Variants in ANKRD55 observed in about 807,000 individuals in gnomAD.
ANKRD55 encodes ankyrin repeat domain 55, also known as ankyrin repeat domain-containing protein 55.
ANKRD55 carries 41 observed loss-of-function variants against 60.6 expected under a neutral mutation model. The ratio of observed to expected loss-of-function variants is 0.68; its 90% CI spans 0.53 to 0.88. The LOEUF (loss-of-function observed/expected upper bound fraction) is 0.88. ANKRD55 is among the 40% of genes least tolerant of loss of function. The pLI is 0.00. For missense variants in ANKRD55, 732 were observed against 767.6 expected, an observed-to-expected ratio of 0.95 and a Z score of 0.55; for synonymous variants, 264 against 290.3, an observed-to-expected ratio of 0.91 and a Z score of 0.92.
chr5:56,112,152 C>A (rs146792500), intron 9 of ANKRD55, among the ~76,000 whole-genome samples: 1 of 152,024 alleles, frequency 6.6e-6, no homozygotes, highest in Non-Finnish European at 1.5e-5. Flanking sequence ...TCAGTAGGCA[C>A]GCAAGTTGAA....
intron 2 of ANKRD55, among the ~76,000 whole-genome samples, chr5:56,196,613 T>C (rs565567464): frequency 3.6e-4 from 55 of 152,252 alleles, no homozygotes; most frequent in Non-Finnish European, 7.1e-4. Flanking sequence ...TCATTTGAAC[T>C]GTATCAGGCT....
chr5:56,195,187 A>G (rs2111849064), intron 2 of ANKRD55, among the ~76,000 whole-genome samples: 1 of 152,366 alleles, frequency 6.6e-6, no homozygotes, highest in Non-Finnish European at 1.5e-5. Context: ...ACAACGCAGA[A>G]TACCTATTCA....
chr5:56,121,212 G>A (rs147817922), intron 8 of ANKRD55, among the ~76,000 whole-genome samples: 47 of 152,286 alleles, frequency 3.1e-4, no homozygotes, highest in African/African-American at 8.7e-4. Context: ...AATAAGGCAA[G>A]TGGGGTGGGG....
At chr5:56,207,140 T>C (rs1168088297) in intron 2 of ANKRD55, among the ~76,000 whole-genome samples, 2 of 152,210 alleles carry the variant, frequency 1.3e-5, no homozygotes, top group African/African-American at 4.8e-5. Context: ...TCCATGAGAA[T>C]GGACTGGGTC....
intron 2 of ANKRD55, among the ~76,000 whole-genome samples, chr5:56,219,605 A>T (rs1049101936): frequency 6.6e-6 from 1 of 152,206 alleles, no homozygotes; most frequent in African/African-American, 2.4e-5. Flanking sequence ...ATCATTCATG[A>T]TATAAGGGAA....
chr5:56,140,923 C>T (rs917507762), intron 7 of ANKRD55, among the ~76,000 whole-genome samples: 1 of 151,824 alleles, frequency 6.6e-6, no homozygotes, highest in Non-Finnish European at 1.5e-5. Flanking sequence ...ATTAGGCAGT[C>T]GTGGTGGTGT....
chr5:56,206,624 T>C (rs779597659), intron 2 of ANKRD55, among the ~76,000 whole-genome samples: 3 of 152,120 alleles, frequency 2.0e-5, no homozygotes, highest in Non-Finnish European at 4.4e-5. Context: ...TGCATAGTTG[T>C]GTACCTCTGC....
At chr5:56,189,335 A>T (rs1759041521) in intron 2 of ANKRD55, among the ~76,000 whole-genome samples, 1 of 151,072 alleles carries the variant, frequency 6.6e-6, no homozygotes, top group Non-Finnish European at 1.5e-5. Context: ...AAAATGTGGT[A>T]AAAGATACAT....
At position 56,148,654 on chromosome 5, in the gene ANKRD55, AT is replaced by A. The variant is rs11377254; in HGVS notation, c.484-4726del. Among the ~76,000 whole-genome samples, 64 of 147,718 alleles carry A rather than the reference AT, an allele frequency of 4.3e-4. No individual in the cohort carries two copies. In the East Asian group the frequency reaches 8.3e-3, roughly 19 times the overall value. ...ACAAGTCCTATCAGCTTCTCAGAAC[AT>A]TTTTTTTTTTTCAAAACCACTTTTG... On this transcript the variant is annotated intron_variant, in intron 6 of 11. Transcript: ENST00000341048.
intron 5 of ANKRD55, among the ~76,000 whole-genome samples, chr5:56,161,405 T>G (rs1758326051): frequency 6.6e-6 from 1 of 152,210 alleles, no homozygotes; most frequent in Admixed American, 6.5e-5. Flanking sequence ...TAAAATGAAA[T>G]TGTTTAGTCT....
chr5:56,206,525 C>T (rs1180521754), intron 2 of ANKRD55, among the ~76,000 whole-genome samples: 6 of 152,148 alleles, frequency 3.9e-5, no homozygotes, highest in Non-Finnish European at 7.4e-5. Flanking sequence ...ACCTCCTTTA[C>T]GGAGCCCCTG....
chr5:56,166,086 T>TTTCTCTTTCTTTCTTTC, intron 5 of ANKRD55, among the ~76,000 whole-genome samples: 1 of 91,772 alleles, frequency 1.1e-5, no homozygotes, highest in Non-Finnish European at 2.5e-5. Flanking sequence ...TTTCTTTTCT[T>TTTCTCTTTCTTTCTTTC]TTTCTTTCTT....
Position 56,184,725 on chromosome 5 carries a change from C to A in ANKRD55, c.59-1091G>T, listed in dbSNP as rs564641966. Among the ~76,000 whole-genome samples the A allele has an allele frequency of 2.0e-5, 3 of 151,960 alleles. No individual in the cohort carries two copies. In the East Asian group the frequency reaches 5.8e-4, roughly 30 times the overall value. The stretch of plus-strand genomic sequence containing the variant: ...TCAGCCTGGGCAACACAGTGAGACC[C>A]TCTCTCTACAAAAAATTTAAAAATT... On this transcript the variant is annotated intron_variant, in intron 2 of 11. Transcript: ENST00000341048.
At chr5:56,187,595 C>T (rs1478271750) in intron 2 of ANKRD55, among the ~76,000 whole-genome samples, 1 of 152,256 alleles carries the variant, frequency 6.6e-6, no homozygotes, top group Non-Finnish European at 1.5e-5. Context: ...TTCTATCCCT[C>T]TGGATCCAGC....
At chr5:56,210,260 G>C (rs373200638) in intron 2 of ANKRD55, among the ~76,000 whole-genome samples, 1 of 151,924 alleles carries the variant, frequency 6.6e-6, no homozygotes, top group African/African-American at 2.4e-5. Flanking sequence ...CCTTTCTATT[G>C]TCTCTACCCA....
intron 10 of ANKRD55, among the ~76,000 whole-genome samples, chr5:56,109,102 C>G (rs1322053832): frequency 1.3e-5 from 2 of 151,740 alleles, no homozygotes; most frequent in Non-Finnish European, 2.9e-5. Context: ...ACAAAAACCC[C>G]CATTGCTGTC....
intron 7 of ANKRD55, among the ~76,000 whole-genome samples, chr5:56,135,309 TTC>T (rs1757553039): frequency 1.8e-4 from 2 of 11,252 alleles, no homozygotes; most frequent in Non-Finnish European, 3.5e-4. Context: ...CTTTCTTTCT[TTC>T]TTTCTTTCTT....
chr5:56,106,693 A>C (rs188798818), intron 10 of ANKRD55, among the ~76,000 whole-genome samples: 24 of 152,130 alleles, frequency 1.6e-4, no homozygotes, highest in Admixed American at 1.2e-3. Flanking sequence ...TGGCCTCCCA[A>C]AGTGCTGGGA....
intron 2 of ANKRD55, among the ~76,000 whole-genome samples, chr5:56,220,285 G>A (rs757880202): frequency 6.6e-6 from 1 of 152,182 alleles, no homozygotes; most frequent in Non-Finnish European, 1.5e-5. Flanking sequence ...GCTTCCTTCT[G>A]TAGAGTCCAT....
Sources: gnomAD v4.1 joint callset for allele counts (sites outside exome capture counted in the v4.1 genomes callset) on GRCh38, gnomAD v4.1.1 for gene constraint, MANE v1.5 for transcripts, NCBI Gene and HGNC (gene_info 2026-07-23, HGNC 2026-07-21) for gene names.